Variants in PCSK5 observed in about 807,000 individuals in gnomAD.
PCSK5 encodes the protein prohormone convertase 5.
Under a neutral mutation model 233.2 loss-of-function variants are expected in PCSK5, and 129 were observed. That is an observed-to-expected ratio of 0.55 (90% CI 0.48 to 0.64). The LOEUF (loss-of-function observed/expected upper bound fraction) is 0.64, where lower values mean the gene tolerates loss of function less well. PCSK5 is among the 30% of genes least tolerant of loss of function. PCSK5 has a pLI of 0.00. For missense variants in PCSK5, 2,076 were observed against 2,430.1 expected (o/e 0.85, Z 3.06); for synonymous variants, 825 against 879.2 (o/e 0.94, Z 1.09).
At chr9:76,051,654 AT>A (rs1829635059) in intron 5 of PCSK5, among the ~76,000 whole-genome samples, 1 of 152,176 alleles carries the variant, frequency 6.6e-6, no homozygotes, top group South Asian at 2.1e-4. Context: ...TTCAAGGAAG[AT>A]TTTGATCCTC....
intron 5 of PCSK5, among the ~76,000 whole-genome samples, chr9:76,047,456 A>C (rs1184182462): frequency 6.6e-6 from 1 of 152,140 alleles, no homozygotes; most frequent in Non-Finnish European, 1.5e-5. Context: ...TTTGATAACT[A>C]TTTTGGTGTA....
At chr9:76,226,525 A>G (rs776655063) in intron 20 of PCSK5, among the ~76,000 whole-genome samples, 13 of 152,134 alleles carry the variant, frequency 8.5e-5, no homozygotes, top group Non-Finnish European at 1.5e-4. Context: ...TCACCCCACC[A>G]GCTGGATCTC....
intron 1 of PCSK5, among the ~76,000 whole-genome samples, chr9:75,901,446 G>A (rs1826030068): frequency 6.6e-6 from 1 of 152,038 alleles, no homozygotes; most frequent in South Asian, 2.1e-4. Context: ...ACAGGGAGGG[G>A]AACATCACAC....
chr9:76,248,442 T>C (rs1484298611), intron 24 of PCSK5, among the ~76,000 whole-genome samples: 1 of 152,078 alleles, frequency 6.6e-6, no homozygotes, highest in African/African-American at 2.4e-5. Context: ...GGGAATAGAA[T>C]AAAAGGGAAA....
intron 20 of PCSK5, among the ~76,000 whole-genome samples, chr9:76,204,571 T>C (rs539546139): frequency 1.3e-5 from 2 of 151,992 alleles, no homozygotes; most frequent in Non-Finnish European, 1.5e-5. Flanking sequence ...TTTGCAGACA[T>C]GGTTCCCTAA....
chr9:76,263,728 T>A (rs1227637875), intron 24 of PCSK5, among the ~76,000 whole-genome samples: 3 of 151,694 alleles, frequency 2.0e-5, no homozygotes. Context: ...TGTATACATA[T>A]GTAACTAACC....
Position 76,121,821 on chromosome 9 carries a change from T to TAATA in PCSK5, c.1209-12288_1209-12287insAATA, listed in dbSNP as rs1213421048. Among the ~76,000 whole-genome samples, 313 of 40,238 alleles carry TAATA rather than the reference T, an allele frequency of 7.8e-3. 10 individuals are homozygous for TAATA. Among genetic ancestry groups the TAATA allele is most frequent in the South Asian group, 0.014 (16 of 1,114 alleles). The allele number at this position is 40,238 out of a possible 152,430, so 26.4% of individuals were successfully genotyped here. A position where few individuals can be genotyped will look rare whatever the true frequency, so the allele number is the denominator to read the frequency against. ...TAAACATCTCTTGTATTGGTTTTTT[T>TAATA]TTTTTTTTTTTTTTTTTTTTGAGAC... On this transcript the variant is annotated intron_variant, in intron 9 of 37. Transcript: ENST00000674117.
chr9:76,097,022 C>G (rs12348184), intron 8 of PCSK5, among the ~76,000 whole-genome samples: 10 of 151,630 alleles, frequency 6.6e-5, no homozygotes, highest in Admixed American at 4.6e-4. Context: ...ACCTCTGCCC[C>G]CCGGGTTCAA....
chr9:75,967,678 G>A lies in PCSK5; in HGVS notation c.298-18454G>A, dbSNP rs1314763163. 2.6e-5 allele frequency among the ~76,000 whole-genome samples: 4 copies of A among 152,202 alleles called. No individual in the cohort carries two copies. In the East Asian group the frequency reaches 7.7e-4, roughly 29 times the overall value. On this transcript the variant is annotated intron_variant, in intron 2 of 37. Transcript: ENST00000674117. ...ACATTTTAGAACATGAAGGGACCAA[G>A]GGGATTCCTCTGTTGCTAAAGACAT...
At chr9:76,210,599 C>A (rs1294032713) in intron 20 of PCSK5, among the ~76,000 whole-genome samples, 1 of 152,150 alleles carries the variant, frequency 6.6e-6, no homozygotes, top group African/African-American at 2.4e-5. Context: ...ATTTTTAAGG[C>A]TCTTGTATGT....
intron 2 of PCSK5, among the ~76,000 whole-genome samples, chr9:75,959,113 C>T (rs11144699): frequency 0.14 from 21,050 of 152,124 alleles, 1,516 homozygotes; most frequent in East Asian, 0.27. Context: ...TTGCTCATGA[C>T]AGGGAGGGAA....
intron 24 of PCSK5, among the ~76,000 whole-genome samples, chr9:76,289,109 G>A (rs960233998): frequency 6.6e-6 from 1 of 152,140 alleles, no homozygotes; most frequent in African/African-American, 2.4e-5. Flanking sequence ...TCTCAAGAGA[G>A]AGCGGACTTT....
In PCSK5 at chr9:76,302,343, C is replaced by T. The variant is rs116253638; in HGVS notation, c.3604+126C>T. 592 of 346,536 alleles carry T rather than the reference C, an allele frequency of 1.7e-3. 6 individuals are homozygous for T. Among genetic ancestry groups the T allele is most frequent in the African/African-American group, 0.012 (552 of 45,412 alleles). The allele number at this position is 346,536 out of a possible 1,614,324, so 21.5% of individuals were successfully genotyped here. A position where few individuals can be genotyped will look rare whatever the true frequency, so the allele number is the denominator to read the frequency against. On this transcript the variant is annotated intron_variant, in intron 28 of 37. Transcript: ENST00000674117. ...AAATGGGGTGCAGAGATGCAGAGGTCATTAGAAAAAGTTGGAGACAGGAGG... is the reference window on the plus strand; with the variant it reads ...AAATGGGGTGCAGAGATGCAGAGGTTATTAGAAAAAGTTGGAGACAGGAGG...
At chr9:76,344,893 G>A (rs1829933766) in intron 35 of PCSK5, among the ~76,000 whole-genome samples, 1 of 152,114 alleles carries the variant, frequency 6.6e-6, no homozygotes, top group Non-Finnish European at 1.5e-5. Flanking sequence ...AATCAAAACA[G>A]GACGACACCA....
intron 7 of PCSK5, among the ~76,000 whole-genome samples, chr9:76,086,076 A>C (rs1217519188): frequency 6.6e-6 from 1 of 152,218 alleles, no homozygotes; most frequent in Non-Finnish European, 1.5e-5. Flanking sequence ...AATCAATGTT[A>C]ATATTAGAAA....
intron 5 of PCSK5, among the ~76,000 whole-genome samples, chr9:76,045,496 A>G (rs976434094): frequency 2.0e-5 from 3 of 152,212 alleles, no homozygotes; most frequent in African/African-American, 7.2e-5. Flanking sequence ...GCAAGGATTC[A>G]GAATTCTTCG....
intron 5 of PCSK5, among the ~76,000 whole-genome samples, chr9:76,045,329 T>C (rs1829328062): frequency 6.6e-6 from 1 of 152,202 alleles, no homozygotes; most frequent in South Asian, 2.1e-4. Flanking sequence ...TTTAAAACAG[T>C]GATTATTTCA....
At chr9:76,078,133 G>T (rs953959420) in intron 7 of PCSK5, among the ~76,000 whole-genome samples, 9 of 152,154 alleles carry the variant, frequency 5.9e-5, no homozygotes, top group African/African-American at 9.7e-5. Context: ...TGTTAATGGG[G>T]TTGTTTTTTG....
intron 2 of PCSK5, among the ~76,000 whole-genome samples, chr9:75,968,853 G>C (rs1457301457): frequency 6.6e-6 from 1 of 152,186 alleles, no homozygotes; most frequent in Non-Finnish European, 1.5e-5. Flanking sequence ...AACTTCGTGT[G>C]ACCTTCTTTA....
Sources: allele counts gnomAD v4.1 joint callset (sites outside exome capture counted in the v4.1 genomes callset), GRCh38; gene constraint gnomAD v4.1.1; transcripts MANE v1.5; gene names NCBI Gene and HGNC (gene_info 2026-07-23, HGNC 2026-07-21).